The following SCHIP1 variants were observed in gnomAD, a reference collection of about 807,000 sequenced individuals.
SCHIP1 encodes schwannomin-interacting protein 1.
A neutral mutation model predicts 29.7 loss-of-function variants in SCHIP1; 8 were observed. That is an observed-to-expected ratio of 0.27 (90% CI 0.16 to 0.49). SCHIP1 has a LOEUF of 0.49. Ranked by LOEUF, SCHIP1 falls within the 20% of genes least tolerant of loss-of-function variation. The probability of loss-of-function intolerance (pLI) is 0.99; values close to 1 mark genes in which losing one functional copy is unlikely to be tolerated. For missense variants in SCHIP1, 193 were observed against 294.6 expected (o/e 0.66, Z 2.52); for synonymous variants, 76 against 94.9 (o/e 0.80, Z 1.16).
At chr3:159,871,384 A>G (rs78826138) in intron 2 of SCHIP1, among the ~76,000 whole-genome samples, 11,488 of 149,440 alleles carry the variant, frequency 0.077, 547 homozygotes, top group African/African-American at 0.086. Flanking sequence ...GGGGCTTATT[A>G]TAACCTAACG....
At chr3:159,561,120 T>A in the SCHIP1 span, among the ~76,000 whole-genome samples, 6 of 152,200 alleles carry the variant, frequency 3.9e-5, no homozygotes, top group African/African-American at 4.8e-5. Flanking sequence ...AAGTGTATTC[T>A]TACACAGTGT....
the SCHIP1 span, among the ~76,000 whole-genome samples, chr3:159,496,668 T>C: frequency 3.9e-5 from 6 of 152,204 alleles, no homozygotes; most frequent in Admixed American, 2.0e-4. Flanking sequence ...GACTGTACAC[T>C]AATTCAACCA....
the SCHIP1 span, among the ~76,000 whole-genome samples, chr3:159,716,757 C>T: frequency 2.0e-5 from 3 of 152,160 alleles, no homozygotes; most frequent in Non-Finnish European, 2.9e-5. Context: ...TAGAGACCTA[C>T]GAAGAGACTT....
At chr3:159,364,002 C>T in the SCHIP1 span, among the ~76,000 whole-genome samples, 1 of 152,126 alleles carries the variant, frequency 6.6e-6, no homozygotes, top group East Asian at 1.9e-4. Flanking sequence ...AAATAGCAAA[C>T]TTTCTCTTTC....
the SCHIP1 span, among the ~76,000 whole-genome samples, chr3:159,657,750 G>A: frequency 3.9e-5 from 6 of 152,350 alleles, no homozygotes; most frequent in Admixed American, 6.5e-5. Flanking sequence ...CATCAATGGC[G>A]GAGAAGCAAC....
chr3:159,304,279 C>T, the SCHIP1 span, among the ~76,000 whole-genome samples: 3 of 151,980 alleles, frequency 2.0e-5, no homozygotes, highest in East Asian at 3.9e-4. Flanking sequence ...TTTTAAAGAC[C>T]AGTTAATACA....
chr3:159,711,837 G>A, the SCHIP1 span, among the ~76,000 whole-genome samples: 17 of 152,274 alleles, frequency 1.1e-4, no homozygotes, highest in East Asian at 3.3e-3. Context: ...ATGAAGAATC[G>A]GCTCTGAAGG....
chr3:159,771,910 A>G, the SCHIP1 span, among the ~76,000 whole-genome samples: 2 of 152,156 alleles, frequency 1.3e-5, no homozygotes, highest in South Asian at 2.1e-4. Context: ...CCTTCAAGAC[A>G]TCCTCAGGAA....
At chr3:159,836,527 A>G (rs944260904), upstream of SCHIP1, among the ~76,000 whole-genome samples, 4 of 152,240 alleles carry the variant, frequency 2.6e-5, no homozygotes, top group African/African-American at 9.6e-5. Flanking sequence ...CTTATTTGGT[A>G]TGAACCCAGA....
At chr3:159,302,988 A>G in the SCHIP1 span, among the ~76,000 whole-genome samples, 1 of 152,348 alleles carries the variant, frequency 6.6e-6, no homozygotes, top group South Asian at 2.1e-4. Context: ...TTGAGTGCTT[A>G]TATGAGGTAA....
At chr3:159,506,602 C>G in the SCHIP1 span, among the ~76,000 whole-genome samples, 1 of 152,106 alleles carries the variant, frequency 6.6e-6, no homozygotes, top group Non-Finnish European at 1.5e-5. Context: ...GGTTTTAGGT[C>G]TAACATTTAA....
chr3:159,685,531 T>C, the SCHIP1 span, among the ~76,000 whole-genome samples: 1 of 152,236 alleles, frequency 6.6e-6, no homozygotes, highest in Non-Finnish European at 1.5e-5. Flanking sequence ...AGGATGTAAT[T>C]AAATTTTTCT....
the SCHIP1 span, among the ~76,000 whole-genome samples, chr3:159,376,326 A>C: frequency 6.6e-6 from 1 of 152,126 alleles, no homozygotes; most frequent in African/African-American, 2.4e-5. Flanking sequence ...TTTGTAAATA[A>C]ATCATGTTTC....
the SCHIP1 span, among the ~76,000 whole-genome samples, chr3:159,769,729 G>A: frequency 6.6e-6 from 1 of 152,166 alleles, no homozygotes; most frequent in African/African-American, 2.4e-5. Context: ...CAGCCTGGGT[G>A]ACAAGAGTGA....
At chr3:159,519,184 A>G in the SCHIP1 span, among the ~76,000 whole-genome samples, 3 of 152,170 alleles carry the variant, frequency 2.0e-5, no homozygotes, top group Admixed American at 6.5e-5. Flanking sequence ...ATTTTAACAT[A>G]GATTTAAAGT....
At chr3:159,490,766 G>C in the SCHIP1 span, among the ~76,000 whole-genome samples, 1 of 152,164 alleles carries the variant, frequency 6.6e-6, no homozygotes, top group Non-Finnish European at 1.5e-5. Flanking sequence ...GTTGTCCTAG[G>C]GTGGAGTGAG....
chr3:159,423,559 T>C, the SCHIP1 span, among the ~76,000 whole-genome samples: 2 of 152,182 alleles, frequency 1.3e-5, no homozygotes. Context: ...GCTGGGAAGC[T>C]CAAACTGGGT....
chr3:159,557,844 T>G, the SCHIP1 span, among the ~76,000 whole-genome samples: 6 of 152,186 alleles, frequency 3.9e-5, no homozygotes, highest in East Asian at 9.6e-4. Context: ...TAAACTAAAC[T>G]TTCCTCAAAA....
chr3:159,765,531 T>C, the SCHIP1 span: 1 of 192,530 alleles, frequency 5.2e-6, no homozygotes, highest in Non-Finnish European at 1.0e-5. Flanking sequence ...GTTGTGGCTT[T>C]GTCAATCGTG....
Sources: gnomAD v4.1 joint callset for allele counts (sites outside exome capture counted in the v4.1 genomes callset) on GRCh38, gnomAD v4.1.1 for gene constraint, MANE v1.5 for transcripts, NCBI Gene and HGNC (gene_info 2026-07-23, HGNC 2026-07-21) for gene names.